Variants in SMG6 observed in about 807,000 individuals in gnomAD.
The protein encoded by SMG6 is SMG6 nonsense mediated mRNA decay factor.
In SMG6, 66 loss-of-function variants were observed where a neutral mutation model predicts 142.2. The observed-to-expected ratio is 0.46, with a 90% CI of 0.38 to 0.57. The LOEUF (loss-of-function observed/expected upper bound fraction) is 0.57. SMG6 is among the 20% of genes least tolerant of loss of function. The pLI, the probability that SMG6 is intolerant of heterozygous loss-of-function variation, is 0.00. For missense variants in SMG6, 1,793 were observed against 1,832.0 expected (o/e 0.98, Z 0.39); for synonymous variants, 779 against 702.4 (o/e 1.11, Z -1.72).
At chr17:2,127,697 C>G (rs1255150249) in intron 13 of SMG6, 2 of 566,934 alleles carry the variant, frequency 3.5e-6, no homozygotes, top group Non-Finnish European at 7.0e-6. Flanking sequence ...AATTTAGTAT[C>G]TGTTCGGACT....
chr17:2,065,013 T>G, intron 18 of SMG6, 60 bp downstream of exon 18: 2 of 1,316,556 alleles, frequency 1.5e-6, no homozygotes, highest in Non-Finnish European at 2.2e-6. Flanking sequence ...GGGCTGAGGA[T>G]GGGTAGGATG....
At chr17:2,135,570 T>C (rs1428859834) in intron 13 of SMG6, among the ~76,000 whole-genome samples, 1 of 152,196 alleles carries the variant, frequency 6.6e-6, no homozygotes, top group African/African-American at 2.4e-5. Flanking sequence ...AATGGAAATG[T>C]TCTATATTAT....
intron 4 of SMG6, among the ~76,000 whole-genome samples, chr17:2,293,365 G>A (rs216204): frequency 0.57 from 87,260 of 152,006 alleles, 26,287 homozygotes; most frequent in East Asian, 0.75. Flanking sequence ...GAATGTAAAA[G>A]TAACTACTCT....
At chr17:2,136,002 G>A (rs889393610) in intron 13 of SMG6, among the ~76,000 whole-genome samples, 11 of 105,562 alleles carry the variant, frequency 1.0e-4, no homozygotes, top group South Asian at 2.5e-4. Flanking sequence ...ATTTATGTGT[G>A]TGTGTGTGTG....
intron 10 of SMG6, among the ~76,000 whole-genome samples, chr17:2,232,302 G>A (rs1454842557): frequency 1.3e-5 from 2 of 152,142 alleles, no homozygotes; most frequent in African/African-American, 2.4e-5. Context: ...CCGGCACCAC[G>A]TCAACCAATG....
At chr17:2,175,223 A>G (rs1312185753) in intron 12 of SMG6, among the ~76,000 whole-genome samples, 1 of 152,220 alleles carries the variant, frequency 6.6e-6, no homozygotes, top group Non-Finnish European at 1.5e-5. Flanking sequence ...GAAAATAAAC[A>G]GGAAAGACGA....
intron 6 of SMG6, among the ~76,000 whole-genome samples, chr17:2,291,229 G>A (rs2075027265): frequency 6.6e-6 from 1 of 152,120 alleles, no homozygotes; most frequent in Non-Finnish European, 1.5e-5. Flanking sequence ...TACTCGGGAG[G>A]CTGAGGCAGG....
Position 2,297,230 on chromosome 17 carries a change from G to A in SMG6, c.2151+13C>T. 1 of 1,562,680 alleles carries A rather than the reference G, an allele frequency of 6.4e-7. No individual in the cohort carries two copies. Among genetic ancestry groups the A allele is most frequent in the Non-Finnish European group, 8.7e-7 (1 of 1,147,274 alleles). On this transcript the variant is annotated intron_variant, in intron 4 of 18. Transcript: ENST00000263073. ...TGAATGAAAATTTAAGATACATAAA[G>A]AAGGTAGCTTACTGTCTTGCGTAAT...
intron 15 of SMG6, 104 bp from the exon 16 acceptor site, chr17:2,069,035 C>T (rs1374174052): frequency 3.5e-6 from 4 of 1,146,040 alleles, no homozygotes; most frequent in East Asian, 5.0e-5. Flanking sequence ...CCCTAGGAAC[C>T]TCTTCCCCTC....
rs776959848 is a variant in SMG6, at chr17:2,244,708, C to T, written c.2673G>A (p.Arg891=). 1.9e-6 allele frequency: 3 copies of T among 1,613,872 alleles called. No individual in the cohort carries two copies. In the South Asian group the frequency reaches 3.3e-5, roughly 18 times the overall value. The change falls in exon 9 of 19, where the codon AGG becomes AGA. Residue 891 remains arginine, a synonymous_variant. Transcript: ENST00000263073. ...GSLSPSDLNK[R]FILSFLHAHG... is the part of the protein sequence containing the mutation. ...GGGCATGGAGAAAACTGAGGATGAA[C>T]CTTTTGTTCAGCTGCATGGGAAAAA...
chr17:2,209,465 C>A (rs748368521), intron 10 of SMG6, among the ~76,000 whole-genome samples: 1 of 152,124 alleles, frequency 6.6e-6, no homozygotes, highest in Non-Finnish European at 1.5e-5. Context: ...CAGGTTCAAG[C>A]GATTCTCCTG....
chr17:2,299,669 CTT>C lies in SMG6; in HGVS notation c.1082_1083del (p.Lys361ArgfsTer11). The stretch of plus-strand genomic sequence containing the variant: ...CTGGCTGACCTCACCATGGGAGACT[CTT>C]TGTTCATGGCTTCTGCATCGAAAGT... ...RVTFDAEAMNKESPMVRSARD... is the reference protein window; with the variant it reads ...RVTFDAEAMNXESPMVRSARD... On this transcript the variant is annotated frameshift_variant, in exon 2 of 19. Transcript: ENST00000263073. LOFTEE classifies it high-confidence loss of function. The surrounding 1 kb of genome is among the most constrained non-coding windows in gnomAD (Gnocchi z 4.3). 1.9e-6 allele frequency: 3 copies of C among 1,614,224 alleles called. No homozygotes were observed. Among genetic ancestry groups the C allele is most frequent in the Non-Finnish European group, 2.5e-6 (3 of 1,180,032 alleles).
chr17:2,203,592 T>C (rs150448665), intron 10 of SMG6, among the ~76,000 whole-genome samples: 1 of 152,124 alleles, frequency 6.6e-6, no homozygotes, highest in Non-Finnish European at 1.5e-5. Flanking sequence ...AGATATGAGG[T>C]GTCCTGTGTC....
chr17:2,216,171 GT>G (rs1231659707), intron 10 of SMG6, among the ~76,000 whole-genome samples: 1 of 152,110 alleles, frequency 6.6e-6, no homozygotes, highest in Non-Finnish European at 1.5e-5. Flanking sequence ...CTCGGGCAAG[GT>G]GGAAACTCAG....
At chr17:2,065,327 A>G in intron 17 of SMG6, 141 bp downstream of exon 17, 3 of 960,386 alleles carry the variant, frequency 3.1e-6, no homozygotes, top group Non-Finnish European at 3.2e-6. Flanking sequence ...GACTTAGGGG[A>G]GAAGGAACTC....
intron 8 of SMG6, among the ~76,000 whole-genome samples, chr17:2,274,350 T>C (rs1471287347): frequency 1.3e-5 from 2 of 152,196 alleles, no homozygotes; most frequent in African/African-American, 4.8e-5. Context: ...ACTTAAGCAC[T>C]GAGCCCAGAA....
At chr17:2,302,851 G>C (rs1190253179) in intron 1 of SMG6, among the ~76,000 whole-genome samples, 1 of 152,166 alleles carries the variant, frequency 6.6e-6, no homozygotes, top group Non-Finnish European at 1.5e-5. Context: ...CTACTTTCTA[G>C]AGCAGCGGGA....
At chr17:2,173,734 AT>A (rs2071575675) in intron 12 of SMG6, among the ~76,000 whole-genome samples, 1 of 151,588 alleles carries the variant, frequency 6.6e-6, no homozygotes, top group Non-Finnish European at 1.5e-5. Flanking sequence ...CTTAATTGAA[AT>A]TTCAGCATAG....
At chr17:2,160,185 T>G (rs568982049) in intron 13 of SMG6, among the ~76,000 whole-genome samples, 25 of 152,288 alleles carry the variant, frequency 1.6e-4, no homozygotes, top group Admixed American at 1.2e-3. Flanking sequence ...TATTAGTAAG[T>G]TGATTAATGA....
Sources: gnomAD v4.1 joint callset for allele counts (sites outside exome capture counted in the v4.1 genomes callset) on GRCh38, gnomAD v4.1.1 for gene constraint, Gnocchi (gnomAD v3.1) non-coding constraint, MANE v1.5 for transcripts, NCBI Gene and HGNC (gene_info 2026-07-23, HGNC 2026-07-21) for gene names.